Variants in MAGI2 observed in about 807,000 individuals in gnomAD.
The protein encoded by MAGI2 is membrane associated guanylate kinase, WW and PDZ domain containing 2, also known as membrane-associated guanylate kinase, WW and PDZ domain-containing protein 2.
MAGI2 carries 35 observed loss-of-function variants against 133.3 expected under a neutral mutation model. The ratio of observed to expected loss-of-function variants is 0.26; its 90% CI spans 0.20 to 0.35. MAGI2 has a LOEUF of 0.35. MAGI2 is among the 10% of genes least tolerant of loss of function. MAGI2 has a pLI of 1.00. For synonymous variants in MAGI2, 729 were observed against 710.6 expected (o/e 1.03, Z -0.41); for missense variants, 1,636 against 1,863.4 (o/e 0.88, Z 2.25).
At chr7:78,319,268 G>A (rs1787743150) in intron 9 of MAGI2, among the ~76,000 whole-genome samples, 1 of 152,074 alleles carries the variant, frequency 6.6e-6, no homozygotes, top group Non-Finnish European at 1.5e-5. Context: ...AGGGATGAAA[G>A]AATATTTACC....
intron 6 of MAGI2, among the ~76,000 whole-genome samples, chr7:78,436,425 A>G (rs1179258761): frequency 6.6e-6 from 1 of 152,184 alleles, no homozygotes; most frequent in Non-Finnish European, 1.5e-5. Flanking sequence ...CTCTGTCCTC[A>G]ACTTTCAATT....
intron 21 of MAGI2, among the ~76,000 whole-genome samples, chr7:78,046,422 C>A (rs537109272): frequency 0.054 from 7,832 of 145,074 alleles, 266 homozygotes; most frequent in Non-Finnish European, 0.066. Context: ...AAAAAAAAAA[C>A]AAAGGAATGT....
intron 11 of MAGI2, among the ~76,000 whole-genome samples, chr7:78,198,618 G>C (rs1260863558): frequency 6.6e-6 from 1 of 152,094 alleles, no homozygotes; most frequent in African/African-American, 2.4e-5. Context: ...TTTTAGTAGA[G>C]ACAGGATTTC....
At chr7:78,519,991 GAC>G (rs1796359837) in intron 4 of MAGI2, among the ~76,000 whole-genome samples, 2 of 152,044 alleles carry the variant, frequency 1.3e-5, no homozygotes, top group Admixed American at 1.3e-4. Flanking sequence ...CAAATATTTT[GAC>G]ACAGATACTT....
chr7:79,097,925 C>A (rs893242961), intron 1 of MAGI2, among the ~76,000 whole-genome samples: 6 of 152,046 alleles, frequency 3.9e-5, no homozygotes, highest in African/African-American at 1.4e-4. Context: ...AGTTCGAGAC[C>A]AGCCTGACCA....
intron 2 of MAGI2, among the ~76,000 whole-genome samples, chr7:78,977,869 A>G (rs1415089333): frequency 6.6e-6 from 1 of 151,862 alleles, no homozygotes; most frequent in East Asian, 1.9e-4. Context: ...CCAATAAAAA[A>G]CAGGCAAAAC....
intron 2 of MAGI2, among the ~76,000 whole-genome samples, chr7:78,630,772 A>G (rs1808905344): frequency 6.6e-6 from 1 of 152,136 alleles, no homozygotes; most frequent in South Asian, 2.1e-4. Context: ...TTTTCCATTC[A>G]TTAATCATTA....
At chr7:78,177,463 C>T (rs903485352) in intron 14 of MAGI2, among the ~76,000 whole-genome samples, 2 of 151,936 alleles carry the variant, frequency 1.3e-5, no homozygotes, top group East Asian at 1.9e-4. Context: ...CACACACATA[C>T]ACACACACAA....
intron 9 of MAGI2, among the ~76,000 whole-genome samples, chr7:78,296,876 T>C (rs914584989): frequency 6.6e-6 from 1 of 152,226 alleles, no homozygotes; most frequent in African/African-American, 2.4e-5. Flanking sequence ...AAGGCTCACC[T>C]GGCAAAGCCC....
At chr7:78,851,456 A>T (rs1429261463) in intron 2 of MAGI2, among the ~76,000 whole-genome samples, 2 of 152,048 alleles carry the variant, frequency 1.3e-5, no homozygotes, top group Non-Finnish European at 2.9e-5. Context: ...ATAACAATAA[A>T]ACAAGCAGGG....
At chr7:79,100,090 A>G (rs1350285465) in intron 1 of MAGI2, among the ~76,000 whole-genome samples, 3 of 150,938 alleles carry the variant, frequency 2.0e-5, no homozygotes, top group African/African-American at 7.5e-5. Flanking sequence ...ATGACTGCAT[A>G]TTATTCCATT....
intron 10 of MAGI2, among the ~76,000 whole-genome samples, chr7:78,205,267 G>C (rs185176066): frequency 3.3e-3 from 504 of 152,258 alleles, no homozygotes; most frequent in Middle Eastern, 6.8e-3. Flanking sequence ...GAGTAGCTGG[G>C]ACCACAGGCA....
rs571525838 is a variant in MAGI2, at chr7:78,575,226, C to T, written c.538+51894G>A. ...CATTCCATTTAAAAGGAGCTACTAG[C>T]TACAGAACTAGCAACCAAAAAATAA... On this transcript the variant is annotated intron_variant, in intron 3 of 21. Coordinates refer to ENST00000354212, the MANE Select transcript of MAGI2 (RefSeq NM_012301.4). 1.4e-4 allele frequency among the ~76,000 whole-genome samples: 21 copies of T among 152,120 alleles called. No homozygotes were observed. The South Asian group carries it at 4.2e-3, about 30-fold the overall frequency.
intron 4 of MAGI2, among the ~76,000 whole-genome samples, chr7:78,502,137 T>G (rs1416803132): frequency 6.6e-6 from 1 of 152,176 alleles, no homozygotes; most frequent in Non-Finnish European, 1.5e-5. Context: ...TGGCAAAAGA[T>G]GATCTGCAGA....
At chr7:78,291,441 T>G (rs1228742558) in intron 9 of MAGI2, among the ~76,000 whole-genome samples, 1 of 152,138 alleles carries the variant, frequency 6.6e-6, no homozygotes, top group African/African-American at 2.4e-5. Context: ...CAATAATTAA[T>G]AGCTTACCAA....
intron 1 of MAGI2, among the ~76,000 whole-genome samples, chr7:79,077,499 T>A (rs1357801772): frequency 1.4e-5 from 2 of 143,932 alleles, no homozygotes; most frequent in Non-Finnish European, 3.0e-5. Context: ...GGTGTGAACC[T>A]GGCCGGTGGA....
chr7:78,929,072 C>A (rs542904275), intron 2 of MAGI2, among the ~76,000 whole-genome samples: 25 of 151,812 alleles, frequency 1.6e-4, no homozygotes, highest in Non-Finnish European at 3.4e-4. Context: ...TGTTATAAAT[C>A]CAGAATTTAA....
At chr7:79,095,617 C>A (rs974597077) in intron 1 of MAGI2, among the ~76,000 whole-genome samples, 1 of 151,986 alleles carries the variant, frequency 6.6e-6, no homozygotes, top group Non-Finnish European at 1.5e-5. Context: ...GAGGGCCCAA[C>A]AAGAGTGAGA....
intron 21 of MAGI2, among the ~76,000 whole-genome samples, chr7:78,052,178 T>G (rs747410319): frequency 2.6e-5 from 4 of 152,196 alleles, no homozygotes; most frequent in Non-Finnish European, 4.4e-5. Flanking sequence ...TTTGGATTTT[T>G]GACCCTCCAA....
Sources: allele counts gnomAD v4.1 joint callset (sites outside exome capture counted in the v4.1 genomes callset), GRCh38; gene constraint gnomAD v4.1.1; transcripts MANE v1.5; gene names NCBI Gene and HGNC (gene_info 2026-07-23, HGNC 2026-07-21).